VCF1: variants seen among roughly 807,000 people sequenced by gnomAD.
VCF1 encodes the protein VCP nuclear cofactor family member 1.
At chr17:73,225,906 T>A in the VCF1 span, among the ~76,000 whole-genome samples, 23,067 of 127,494 alleles carry the variant, frequency 0.18, 2,491 homozygotes, top group Non-Finnish European at 0.24. Context: ...TATATTTTTT[T>A]TTTTTTTTTT....
At chr17:73,221,868 T>C in the VCF1 span, among the ~76,000 whole-genome samples, 4 of 152,058 alleles carry the variant, frequency 2.6e-5, no homozygotes, top group South Asian at 6.2e-4. Flanking sequence ...ACCCCGTCTC[T>C]ACTAAAAGTA....
the VCF1 span, among the ~76,000 whole-genome samples, chr17:73,224,454 G>A: frequency 6.6e-6 from 1 of 151,826 alleles, no homozygotes. Context: ...GGAAAACATA[G>A]GAAATGGTTT....
chr17:73,211,382 A>T, the VCF1 span, among the ~76,000 whole-genome samples: 1 of 152,212 alleles, frequency 6.6e-6, no homozygotes, highest in African/African-American at 2.4e-5. Context: ...CAGCCTAGCC[A>T]ACATAGTGAA....
the VCF1 span, among the ~76,000 whole-genome samples, chr17:73,226,328 T>C: frequency 6.6e-6 from 1 of 152,250 alleles, no homozygotes; most frequent in Admixed American, 6.5e-5. Context: ...TTTTTCCCCC[T>C]TGGGGGAGTT....
At chr17:73,207,498 G>C in the VCF1 span, 1 of 623,008 alleles carries the variant, frequency 1.6e-6, no homozygotes. Context: ...AAAATATACA[G>C]GACAGGGTGG....
chr17:73,232,239 G>T, the VCF1 span: 1 of 1,611,808 alleles, frequency 6.2e-7, no homozygotes, highest in Non-Finnish European at 8.5e-7. Context: ...GGACGCAGCC[G>T]GTGGCGAGTA....
chr17:73,207,804 A>G, the VCF1 span: 3 of 1,285,366 alleles, frequency 2.3e-6, no homozygotes, highest in Non-Finnish European at 2.0e-6. Context: ...TTCTTACAGC[A>G]TCGAGTTGTT....
the VCF1 span, chr17:73,227,217 T>TG: frequency 8.2e-6 from 13 of 1,587,120 alleles, no homozygotes; most frequent in Admixed American, 1.8e-5. Flanking sequence ...TCTTTTGGTC[T>TG]GGGGGGGAAG....
the VCF1 span, among the ~76,000 whole-genome samples, chr17:73,226,704 C>A: frequency 1.2e-3 from 182 of 152,292 alleles, 1 homozygote; most frequent in South Asian, 0.022. Context: ...CTTTTCACAA[C>A]AAGATAATGA....
the VCF1 span, among the ~76,000 whole-genome samples, chr17:73,215,426 G>A: frequency 6.6e-6 from 1 of 152,086 alleles, no homozygotes; most frequent in Non-Finnish European, 1.5e-5. Context: ...GGGACTACAG[G>A]CGCATGCCAC....
At chr17:73,224,865 C>CACAGG in the VCF1 span, among the ~76,000 whole-genome samples, 47,256 of 124,016 alleles carry the variant, frequency 0.38, 12,353 homozygotes, top group East Asian at 0.49. Flanking sequence ...GACAGGACAG[C>CACAGG]ACAGGACAGG....
the VCF1 span, chr17:73,208,689 AAC>A: frequency 1.8e-6 from 1 of 558,552 alleles, no homozygotes; most frequent in Non-Finnish European, 3.2e-6. Context: ...AGCGTTCAAC[AAC>A]ACCTTAATTG....
chr17:73,219,191 C>CAAAAAAAAAAAAAAAAAAAAAA, the VCF1 span, among the ~76,000 whole-genome samples: 1 of 41,856 alleles, frequency 2.4e-5, no homozygotes, highest in African/African-American at 9.9e-5. Flanking sequence ...AACTCCGTCT[C>CAAAAAAAAAAAAAAAAAAAAAA]AAAAAAAAAA....
chr17:73,209,873 A>C, the VCF1 span: 19 of 1,474,330 alleles, frequency 1.3e-5, no homozygotes, highest in Admixed American at 1.1e-4. Context: ...TTTCCAGTTC[A>C]GCTTGAGGAT....
chr17:73,230,618 A>G, the VCF1 span, among the ~76,000 whole-genome samples: 1 of 152,128 alleles, frequency 6.6e-6, no homozygotes, highest in Admixed American at 6.5e-5. Context: ...AGTGATCTCC[A>G]ACTCCTGACC....
the VCF1 span, chr17:73,232,258 T>C: frequency 3.1e-6 from 5 of 1,610,896 alleles, no homozygotes; most frequent in South Asian, 1.1e-5. Context: ...TACCCCTCAG[T>C]CGGACCCGTA....
the VCF1 span, chr17:73,207,822 T>G: frequency 2.3e-6 from 3 of 1,281,672 alleles, no homozygotes; most frequent in African/African-American, 4.6e-5. Flanking sequence ...GTTTGCTTTA[T>G]TGTTAGACAC....
the VCF1 span, chr17:73,208,004 AAC>A: frequency 7.7e-7 from 1 of 1,299,086 alleles, no homozygotes; most frequent in Non-Finnish European, 9.8e-7. Context: ...CCTCTTCCAG[AAC>A]AGTTTCCACT....
chr17:73,220,627 T>C, the VCF1 span, among the ~76,000 whole-genome samples: 3 of 151,106 alleles, frequency 2.0e-5, no homozygotes, highest in Non-Finnish European at 4.4e-5. Flanking sequence ...GTATTGTTAG[T>C]AGAGACGGGG....
Sources: allele counts gnomAD v4.1 joint callset (sites outside exome capture counted in the v4.1 genomes callset), GRCh38; gene constraint gnomAD v4.1.1; transcripts MANE v1.5; gene names NCBI Gene and HGNC (gene_info 2026-07-23, HGNC 2026-07-21).